RBMS3: variants seen among roughly 807,000 people sequenced by gnomAD.
RBMS3 encodes the protein RNA binding motif single stranded interacting protein 3, also known as RNA-binding motif, single-stranded-interacting protein 3.
Under a neutral mutation model 66.8 loss-of-function variants are expected in RBMS3, and 27 were observed. The observed-to-expected ratio is 0.40, with a 90% CI of 0.30 to 0.56. The LOEUF is 0.56. Among genes scored for constraint, RBMS3 ranks in the 20% least tolerant of loss-of-function variants. RBMS3 has a pLI of 0.40. For synonymous variants in RBMS3, 188 were observed against 183.0 expected, an observed-to-expected ratio of 1.03 and a Z score of -0.22; for missense variants, 513 against 549.5, an observed-to-expected ratio of 0.93 and a Z score of 0.66.
At chr3:29,347,598 C>A (rs556851270) in intron 1 of RBMS3, among the ~76,000 whole-genome samples, 1 of 152,172 alleles carries the variant, frequency 6.6e-6, no homozygotes, top group African/African-American at 2.4e-5. Context: ...AGGAAATAGT[C>A]AATTATGTGG....
At chr3:29,709,861 C>T (rs897164283) in intron 4 of RBMS3, among the ~76,000 whole-genome samples, 3 of 152,108 alleles carry the variant, frequency 2.0e-5, no homozygotes, top group East Asian at 1.9e-4. Flanking sequence ...AGAGATAAAG[C>T]GTTATCTTGC....
intron 4 of RBMS3, chr3:29,616,780 T>A (rs139839342): frequency 1.3e-5 from 2 of 152,348 alleles, no homozygotes; most frequent in East Asian, 3.9e-4. Context: ...AAATAGAATA[T>A]GTTTCATCAA....
intron 1 of RBMS3, among the ~76,000 whole-genome samples, chr3:29,347,119 G>A (rs1490006737): frequency 6.6e-6 from 1 of 152,152 alleles, no homozygotes; most frequent in African/African-American, 2.4e-5. Context: ...GAAATATGAA[G>A]ACTCTGGAGG....
At chr3:29,318,729 C>T (rs758742468) in intron 1 of RBMS3, among the ~76,000 whole-genome samples, 1 of 151,814 alleles carries the variant, frequency 6.6e-6, no homozygotes, top group Non-Finnish European at 1.5e-5. Flanking sequence ...AACTGTGGGC[C>T]AGGTATTGTG....
At chr3:29,749,233 T>A (rs1317360185) in intron 5 of RBMS3, among the ~76,000 whole-genome samples, 4 of 152,194 alleles carry the variant, frequency 2.6e-5, no homozygotes, top group Non-Finnish European at 4.4e-5. Context: ...ATTCTGGATT[T>A]AGTCTAAAAT....
chr3:29,434,673 A>C, intron 1 of RBMS3, 70 bp from the exon 2 acceptor site: 15 of 1,551,428 alleles, frequency 9.7e-6, no homozygotes, highest in Non-Finnish European at 1.3e-5. Flanking sequence ...CATTGATTTC[A>C]AGTTGTGCTG....
At chr3:29,853,584 A>T (rs192846737) in intron 6 of RBMS3, among the ~76,000 whole-genome samples, 176 of 152,064 alleles carry the variant, frequency 1.2e-3, no homozygotes, top group African/African-American at 4.1e-3. Flanking sequence ...CAGGCGACAG[A>T]TGATTGGCTA....
chr3:29,444,788 C>CTTT (rs558839351), intron 2 of RBMS3, among the ~76,000 whole-genome samples: 1,883 of 50,436 alleles, frequency 0.037, 304 homozygotes, highest in Admixed American at 0.079. Context: ...AAATATATGC[C>CTTT]TTTTTTTTTT....
At chr3:29,942,398 C>G (rs893644746) in intron 11 of RBMS3, among the ~76,000 whole-genome samples, 1 of 151,572 alleles carries the variant, frequency 6.6e-6, no homozygotes, top group Admixed American at 6.6e-5. Flanking sequence ...TATTGTGTGC[C>G]CTGTAGTCCA....
At chr3:29,897,322 T>C in intron 8 of RBMS3, 57 bp from the exon 9 acceptor site, 4 of 1,484,868 alleles carry the variant, frequency 2.7e-6, no homozygotes, top group Non-Finnish European at 3.8e-6. Flanking sequence ...TAGCATTTGA[T>C]TAGAGGCCAG....
Position 29,907,182 on chromosome 3 carries a change from T to C in RBMS3, c.939+7427T>C, listed in dbSNP as rs1479446820. ...TGCAAAATGTTTGGTTGATTCTTCA[T>C]GATGCTGTTTAGCCTTTTCTTCTAT... On this transcript the variant is annotated intron_variant, in intron 10 of 14. Transcript: ENST00000383767. 3.9e-5 allele frequency among the ~76,000 whole-genome samples: 6 copies of C among 152,292 alleles called. No individual in the cohort carries two copies. In the East Asian group the frequency reaches 1.2e-3, roughly 29 times the overall value.
intron 6 of RBMS3, among the ~76,000 whole-genome samples, chr3:29,860,480 G>A (rs906076234): frequency 5.9e-5 from 9 of 152,188 alleles, no homozygotes; most frequent in Non-Finnish European, 8.8e-5. Flanking sequence ...TTAAAACTCT[G>A]TGGAATTGGA....
At chr3:29,674,077 T>G (rs1165560361) in intron 4 of RBMS3, among the ~76,000 whole-genome samples, 2 of 152,190 alleles carry the variant, frequency 1.3e-5, no homozygotes, top group Non-Finnish European at 2.9e-5. Flanking sequence ...GCTTTATTCC[T>G]GGGATGTGAG....
chr3:29,725,569 C>T (rs1486488529), intron 4 of RBMS3, among the ~76,000 whole-genome samples: 1 of 152,072 alleles, frequency 6.6e-6, no homozygotes, highest in Non-Finnish European at 1.5e-5. Context: ...ATACAAACTA[C>T]CACCAGAAAA....
At chr3:29,422,243 G>T (rs1482077919) in intron 1 of RBMS3, among the ~76,000 whole-genome samples, 1 of 152,094 alleles carries the variant, frequency 6.6e-6, no homozygotes, top group Non-Finnish European at 1.5e-5. Flanking sequence ...AGCCTATGAA[G>T]AGTATACCAA....
chr3:29,526,451 G>T (rs1233621157), intron 3 of RBMS3: 1 of 138,740 alleles, frequency 7.2e-6, no homozygotes, highest in Admixed American at 7.9e-5. Context: ...AACCCGGGAG[G>T]CAGAGCTTTC....
chr3:29,716,188 G>A (rs1473063713), intron 4 of RBMS3, among the ~76,000 whole-genome samples: 2 of 152,082 alleles, frequency 1.3e-5, no homozygotes, highest in Non-Finnish European at 2.9e-5. Context: ...CATTAAATTT[G>A]TAATTCCTTT....
chr3:29,904,391 T>A (rs1053412886), intron 10 of RBMS3, among the ~76,000 whole-genome samples: 1 of 152,000 alleles, frequency 6.6e-6, no homozygotes, highest in African/African-American at 2.4e-5. Context: ...ATTTTTAATA[T>A]AGAAACAATA....
At chr3:29,378,951 C>G (rs1027990837) in intron 1 of RBMS3, among the ~76,000 whole-genome samples, 9 of 152,146 alleles carry the variant, frequency 5.9e-5, no homozygotes, top group African/African-American at 1.9e-4. Flanking sequence ...TTTCTATAAC[C>G]TTTGAAACAA....
Sources: allele counts gnomAD v4.1 joint callset (sites outside exome capture counted in the v4.1 genomes callset), GRCh38; gene constraint gnomAD v4.1.1; transcripts MANE v1.5; gene names NCBI Gene and HGNC (gene_info 2026-07-23, HGNC 2026-07-21).